The following LAMA2 variants were observed in gnomAD, a reference collection of about 807,000 sequenced individuals.
LAMA2 encodes laminin subunit alpha 2.
Under a neutral mutation model 364.8 loss-of-function variants are expected in LAMA2, and 269 were observed. The ratio of observed to expected loss-of-function variants is 0.74; its 90% CI spans 0.67 to 0.82. LAMA2 has a LOEUF of 0.82. Ranked by LOEUF, LAMA2 falls within the 40% of genes least tolerant of loss-of-function variation. The pLI, the probability that LAMA2 is intolerant of heterozygous loss-of-function variation, is 0.00. For synonymous variants in LAMA2, 1,379 were observed against 1,370.6 expected (o/e 1.01, Z -0.14); for missense variants, 3,807 against 3,873.2 (o/e 0.98, Z 0.45).
chr6:129,170,040 G>C (rs1406448117), intron 9 of LAMA2, among the ~76,000 whole-genome samples: 4 of 151,820 alleles, frequency 2.6e-5, no homozygotes, highest in Admixed American at 6.6e-5. Context: ...GCATCTATTA[G>C]ATTCTTCTCT....
intron 1 of LAMA2, among the ~76,000 whole-genome samples, chr6:128,975,254 A>G (rs1782454392): frequency 6.6e-6 from 1 of 152,208 alleles, no homozygotes; most frequent in African/African-American, 2.4e-5. Flanking sequence ...GAAAAACAAC[A>G]GAATCTTAGA....
chr6:129,237,505 T>C (rs1785072565), intron 12 of LAMA2, among the ~76,000 whole-genome samples: 1 of 151,904 alleles, frequency 6.6e-6, no homozygotes, highest in African/African-American at 2.4e-5. Flanking sequence ...CCAGCTAATT[T>C]TTGTATTTTT....
chr6:129,206,621 G>A (rs1015358439), intron 12 of LAMA2, among the ~76,000 whole-genome samples: 3 of 152,146 alleles, frequency 2.0e-5, no homozygotes, highest in Admixed American at 6.6e-5. Context: ...GCATGTTGAG[G>A]AAACATAAAG....
chr6:129,093,011 C>T (rs1774935148), intron 3 of LAMA2, among the ~76,000 whole-genome samples: 1 of 152,090 alleles, frequency 6.6e-6, no homozygotes, highest in African/African-American at 2.4e-5. Flanking sequence ...GACAAAGGAT[C>T]TGGGATACAA....
chr6:128,974,517 T>C (rs1308579687), intron 1 of LAMA2, among the ~76,000 whole-genome samples: 1 of 152,178 alleles, frequency 6.6e-6, no homozygotes, highest in Non-Finnish European at 1.5e-5. Context: ...AAGGAAAGCA[T>C]TGTTTTATAT....
intron 11 of LAMA2, among the ~76,000 whole-genome samples, chr6:129,190,737 A>G (rs763007445): frequency 1.1e-3 from 161 of 152,336 alleles, no homozygotes; most frequent in Non-Finnish European, 9.4e-4. Context: ...TCATCTGTAT[A>G]CATAATACAT....
intron 1 of LAMA2, among the ~76,000 whole-genome samples, chr6:128,923,071 T>C (rs1029855389): frequency 7.5e-5 from 11 of 147,462 alleles, no homozygotes; most frequent in Non-Finnish European, 1.3e-4. Context: ...GATCTATATC[T>C]CTGTTTTGGT....
At chr6:129,465,071 C>A in intron 50 of LAMA2, 74 bp from the exon 51 acceptor site, 1 of 1,246,768 alleles carries the variant, frequency 8.0e-7, no homozygotes, top group Non-Finnish European at 1.2e-6. Flanking sequence ...CTAACATAAA[C>A]CACACAAGAA....
intron 28 of LAMA2, among the ~76,000 whole-genome samples, chr6:129,326,890 A>G (rs1271298917): frequency 6.7e-6 from 1 of 150,118 alleles, no homozygotes; most frequent in African/African-American, 2.4e-5. Flanking sequence ...CCACACTATG[A>G]ACCACTTTTA....
chr6:129,197,875 T>C (rs1781940683), intron 12 of LAMA2, among the ~76,000 whole-genome samples: 1 of 152,186 alleles, frequency 6.6e-6, no homozygotes, highest in Non-Finnish European at 1.5e-5. Flanking sequence ...TACATATCCG[T>C]CATAACATTC....
chr6:129,173,083 A>G (rs566164047), intron 9 of LAMA2, among the ~76,000 whole-genome samples: 16 of 152,268 alleles, frequency 1.1e-4, no homozygotes, highest in African/African-American at 3.8e-4. Context: ...GGCATTCCCT[A>G]GTGAGATGAA....
chr6:129,128,618 C>T (rs1777260626), intron 4 of LAMA2, among the ~76,000 whole-genome samples: 1 of 152,160 alleles, frequency 6.6e-6, no homozygotes, highest in African/African-American at 2.4e-5. Context: ...TAAATTCTTC[C>T]AATCCATGAA....
At chr6:129,336,222 G>A (rs190048493) in intron 29 of LAMA2, among the ~76,000 whole-genome samples, 3 of 152,150 alleles carry the variant, frequency 2.0e-5, no homozygotes, top group East Asian at 3.9e-4. Context: ...ACTTTTGGAG[G>A]CCAAGAGCGG....
chr6:129,495,980 G>C (rs1392013795), intron 58 of LAMA2, among the ~76,000 whole-genome samples: 2 of 152,144 alleles, frequency 1.3e-5, no homozygotes, highest in Admixed American at 6.5e-5. Flanking sequence ...GGTTGGTTTA[G>C]AAAGAATCAC....
intron 1 of LAMA2, among the ~76,000 whole-genome samples, chr6:129,020,252 A>G (rs1448123268): frequency 6.6e-6 from 1 of 152,170 alleles, no homozygotes; most frequent in Non-Finnish European, 1.5e-5. Flanking sequence ...GGTAATCTCC[A>G]TACTTATTCC....
At chr6:129,087,950 T>C (rs1279043749) in intron 3 of LAMA2, among the ~76,000 whole-genome samples, 1 of 148,446 alleles carries the variant, frequency 6.7e-6, no homozygotes, top group Admixed American at 6.8e-5. Flanking sequence ...CAGAGGGGGA[T>C]TTGGCAGGGT....
chr6:129,024,924 C>G (rs796417045), intron 1 of LAMA2, among the ~76,000 whole-genome samples: 1 of 152,004 alleles, frequency 6.6e-6, no homozygotes, highest in East Asian at 1.9e-4. Context: ...ATAGCCACTG[C>G]ACTCCAGCCT....
intron 12 of LAMA2, among the ~76,000 whole-genome samples, chr6:129,198,118 G>A (rs759365737): frequency 1.3e-5 from 2 of 151,992 alleles, no homozygotes; most frequent in Admixed American, 6.6e-5. Context: ...TTTGTGATGT[G>A]GTTGGCAACA....
chr6:129,415,762 C>T (rs573910265), intron 40 of LAMA2, among the ~76,000 whole-genome samples: 57 of 152,110 alleles, frequency 3.7e-4, no homozygotes, highest in African/African-American at 1.3e-3. Flanking sequence ...GGGAGGATCC[C>T]CTGAGCCTGG....
Sources: gnomAD v4.1 joint callset for allele counts (sites outside exome capture counted in the v4.1 genomes callset) on GRCh38, gnomAD v4.1.1 for gene constraint, MANE v1.5 for transcripts, NCBI Gene and HGNC (gene_info 2026-07-23, HGNC 2026-07-21) for gene names.